The following NEBL variants were observed in gnomAD, a reference collection of about 807,000 sequenced individuals.
NEBL encodes nebulette.
In NEBL, 122 loss-of-function variants were observed where a neutral mutation model predicts 140.2. That is an observed-to-expected ratio of 0.87 (90% CI 0.75 to 1.01). NEBL has a LOEUF of 1.01. NEBL is among the 50% of genes least tolerant of loss of function. The probability of loss-of-function intolerance (pLI) is 0.00; values close to 1 mark genes in which losing one functional copy is unlikely to be tolerated. For missense variants in NEBL, 1,365 were observed against 1,231.3 expected (o/e 1.11, Z -1.62); for synonymous variants, 436 against 398.9 (o/e 1.09, Z -1.11).
chr10:20,940,903 G>A (rs1397678523), intron 4 of NEBL, among the ~76,000 whole-genome samples: 4 of 152,142 alleles, frequency 2.6e-5, no homozygotes, highest in Admixed American at 1.3e-4. Context: ...TTGAATCTCT[G>A]AATAGACCAA....
intron 3 of NEBL, among the ~76,000 whole-genome samples, chr10:21,010,605 CA>C (rs34685634): frequency 1.1e-4 from 16 of 147,792 alleles, no homozygotes; most frequent in African/African-American, 2.2e-4. Flanking sequence ...CAAAGCCATT[CA>C]AAAAAAAATA....
At position 21,173,801 on chromosome 10, in the gene NEBL, G is replaced by C. The variant is rs954045006; in HGVS notation, c.33C>G (p.Val11=). The change falls in exon 1 of 7, where the codon GTC becomes GTG. Residue 11 remains valine, a synonymous_variant. Transcript: ENST00000417816. The surrounding 1 kb of genome is among the most constrained non-coding windows in gnomAD (Gnocchi z 5.7). ...AGTTGACTTTCTCGGTGGGATACAC[G>C]ACTTTTCCGCAACGGGCGCACTGGG... 2 of 1,612,334 alleles carry C rather than the reference G, an allele frequency of 1.2e-6. No individual in the cohort carries two copies. Among genetic ancestry groups the C allele is most frequent in the African/African-American group, 2.7e-5 (2 of 74,700 alleles).
At chr10:21,058,620 A>ATTAAAT (rs1835142840) in intron 2 of NEBL, among the ~76,000 whole-genome samples, 1 of 152,224 alleles carries the variant, frequency 6.6e-6, no homozygotes, top group Non-Finnish European at 1.5e-5. Context: ...TATCAAATGC[A>ATTAAAT]ACATTAAATA....
At chr10:21,155,598 G>A (rs2132138572) in intron 2 of NEBL, among the ~76,000 whole-genome samples, 1 of 152,276 alleles carries the variant, frequency 6.6e-6, no homozygotes, top group South Asian at 2.1e-4. Flanking sequence ...CTTGAGTACT[G>A]TGCCTATAAT....
At position 21,173,415 on chromosome 10, in the gene NEBL, G is replaced by C. The variant is rs1449464633; in HGVS notation, c.69+350C>G. ...GGGGGGCGGGGGTATTGTGGAACAC[G>C]AGTGGAGGTGGAGGGGGCGCGGCTC... On this transcript the variant is annotated intron_variant, in intron 1 of 6. Coordinates refer to the NEBL transcript ENST00000417816. The surrounding 1 kb of genome is among the most constrained non-coding windows in gnomAD (Gnocchi z 5.7). Among the ~76,000 whole-genome samples, 2 of 151,944 alleles carry C rather than the reference G, an allele frequency of 1.3e-5. No individual in the cohort carries two copies. The highest frequency in any genetic ancestry group is 4.8e-5 in the African/African-American group (2 of 41,400).
At chr10:21,102,368 T>A (rs1380314745) in intron 2 of NEBL, among the ~76,000 whole-genome samples, 2 of 152,196 alleles carry the variant, frequency 1.3e-5, no homozygotes, top group Non-Finnish European at 2.9e-5. Flanking sequence ...ACAATCAAGA[T>A]AATGGACGTT....
intron 3 of NEBL, among the ~76,000 whole-genome samples, chr10:21,238,369 A>G (rs1842388899): frequency 6.6e-6 from 1 of 152,172 alleles, no homozygotes; most frequent in Non-Finnish European, 1.5e-5. Flanking sequence ...CTAGCTTTGC[A>G]TTTCATAAAA....
In NEBL at chr10:20,835,554, C is replaced by G. The variant is rs1163507998; in HGVS notation, c.1408G>C (p.Glu470Gln). The part of the protein sequence containing the change: ...KGMQAGTDTL[E>Q]MQHAKKAAEI... ...GCAGCCTTCTTGGCATGCTGCATTTCAAGGGTGTCAGTGCCAGCTTGCATT... is the reference window on the plus strand; with the variant it reads ...GCAGCCTTCTTGGCATGCTGCATTTGAAGGGTGTCAGTGCCAGCTTGCATT... Residue 470 changes from glutamate (E) to glutamine (Q), a missense_variant, in exon 14 of 28, where the codon GAA becomes CAA. Coordinates refer to ENST00000377122, the MANE Select transcript of NEBL (RefSeq NM_006393.3). 6.2e-7 allele frequency: 1 copy of G among 1,612,822 alleles called. No homozygotes were observed.
chr10:21,222,576 TC>T, intron 3 of NEBL, among the ~76,000 whole-genome samples: 1 of 152,174 alleles, frequency 6.6e-6, no homozygotes, highest in African/African-American at 2.4e-5. Context: ...ACTACTATTT[TC>T]TTTGTGTTAC....
upstream of NEBL, among the ~76,000 whole-genome samples, chr10:20,900,776 C>T (rs369192906): frequency 8.8e-5 from 13 of 147,240 alleles, no homozygotes; most frequent in African/African-American, 3.2e-4. Context: ...ACTTGGGAGG[C>T]GTAGGTTGCA....
chr10:21,064,237 G>T (rs1245940628), intron 2 of NEBL, among the ~76,000 whole-genome samples: 7 of 152,258 alleles, frequency 4.6e-5, no homozygotes, highest in African/African-American at 1.4e-4. Flanking sequence ...GAATTCAAAT[G>T]AATTTTCTAA....
At chr10:20,953,475 A>G (rs374851899) in intron 4 of NEBL, among the ~76,000 whole-genome samples, 66 of 147,028 alleles carry the variant, frequency 4.5e-4, no homozygotes, top group African/African-American at 1.5e-3. Context: ...ATATCTTGTT[A>G]TGGTGCCTGA....
intron 3 of NEBL, among the ~76,000 whole-genome samples, chr10:21,220,912 T>A (rs1475642223): frequency 1.3e-5 from 2 of 152,164 alleles, no homozygotes; most frequent in Non-Finnish European, 2.9e-5. Context: ...TCCCAGCGCT[T>A]TGGGAGGCCG....
chr10:21,033,725 G>C (rs1423302239), intron 2 of NEBL, among the ~76,000 whole-genome samples: 1 of 142,240 alleles, frequency 7.0e-6, no homozygotes, highest in African/African-American at 2.6e-5. Flanking sequence ...GGCAACAAGA[G>C]CGAGACTTTG....
chr10:21,237,607 C>A (rs1289716500), intron 3 of NEBL, among the ~76,000 whole-genome samples: 2 of 151,710 alleles, frequency 1.3e-5, no homozygotes, highest in African/African-American at 4.8e-5. Flanking sequence ...TTTCTATCTC[C>A]CTGATGTTCT....
rs774928213 is a variant in NEBL, at chr10:20,809,796, T to A, written c.2611+10A>T. On this transcript the variant is annotated intron_variant, in intron 25 of 27. Transcript: ENST00000377122. ...CACATAAATGGGATGAACTAAAAAG[T>A]GAGTAATACCAGAGAGCATATGGAG... The A allele has an allele frequency of 6.3e-7, 1 of 1,581,994 alleles. No individual in the cohort carries two copies. The highest frequency in any genetic ancestry group is 8.7e-7 in the Non-Finnish European group (1 of 1,151,136).
chr10:20,930,495 TTGTA>T (rs1285336599), intron 4 of NEBL, among the ~76,000 whole-genome samples: 1 of 152,202 alleles, frequency 6.6e-6, no homozygotes. Context: ...GCAAATTAAA[TTGTA>T]TCATACCTTT....
intron 2 of NEBL, among the ~76,000 whole-genome samples, chr10:21,093,645 C>T (rs1031036058): frequency 1.3e-5 from 2 of 152,172 alleles, no homozygotes; most frequent in East Asian, 3.9e-4. Context: ...GTTGGTAGAA[C>T]CAAGAAAAGG....
At chr10:20,868,344 G>T in intron 7 of NEBL, 2 of 290,376 alleles carry the variant, frequency 6.9e-6, no homozygotes, top group Admixed American at 4.7e-5. Context: ...GTGTGTGTAG[G>T]TTAAAACACA....
Sources: allele counts gnomAD v4.1 joint callset (sites outside exome capture counted in the v4.1 genomes callset), GRCh38; gene constraint gnomAD v4.1.1; non-coding constraint Gnocchi (gnomAD v3.1); transcripts MANE v1.5; gene names NCBI Gene and HGNC (gene_info 2026-07-23, HGNC 2026-07-21).